The following SPIDR variants were observed in gnomAD, a reference collection of about 807,000 sequenced individuals.
The protein encoded by SPIDR is DNA repair-scaffolding protein.
In SPIDR, 93 loss-of-function variants were observed where a neutral mutation model predicts 104.6. That is an observed-to-expected ratio of 0.89 (90% CI 0.75 to 1.06). The LOEUF is 1.06. Ranked by LOEUF, SPIDR falls within the 50% of genes least tolerant of loss-of-function variation. SPIDR has a pLI of 0.00. For missense variants in SPIDR, 1,154 were observed against 1,111.2 expected (o/e 1.04, Z -0.55); for synonymous variants, 431 against 416.9 (o/e 1.03, Z -0.41).
At chr8:47,290,459 T>A (rs1218778489) in intron 3 of SPIDR, among the ~76,000 whole-genome samples, 1 of 152,200 alleles carries the variant, frequency 6.6e-6, no homozygotes, top group Non-Finnish European at 1.5e-5. Context: ...ACTACAGTTT[T>A]GCAAGATATT....
chr8:47,566,098 CCAGGTT>C (rs1477413181), intron 8 of SPIDR, among the ~76,000 whole-genome samples: 1 of 143,610 alleles, frequency 7.0e-6, no homozygotes, highest in East Asian at 2.1e-4. Context: ...CCTCCGTCTC[CCAGGTT>C]CAAGCGATTC....
chr8:47,367,803 T>C (rs2057417173), intron 5 of SPIDR, among the ~76,000 whole-genome samples: 1 of 152,168 alleles, frequency 6.6e-6, no homozygotes, highest in Admixed American at 6.5e-5. Flanking sequence ...CCTGAATGTA[T>C]TCAGTGAACG....
intron 5 of SPIDR, among the ~76,000 whole-genome samples, chr8:47,354,672 C>T (rs2054187765): frequency 6.6e-6 from 1 of 151,944 alleles, no homozygotes; most frequent in African/African-American, 2.4e-5. Context: ...AACAGGGTCT[C>T]ACTCTGTTGC....
At chr8:47,446,820 C>T (rs1220252917) in intron 8 of SPIDR, among the ~76,000 whole-genome samples, 1 of 152,064 alleles carries the variant, frequency 6.6e-6, no homozygotes, top group African/African-American at 2.4e-5. Context: ...CTCGTGACCT[C>T]GTGATCCACC....
At chr8:47,363,124 C>T (rs1419838531) in intron 5 of SPIDR, among the ~76,000 whole-genome samples, 1 of 151,100 alleles carries the variant, frequency 6.6e-6, no homozygotes, top group Non-Finnish European at 1.5e-5. Flanking sequence ...GTCCCCTAGA[C>T]GAGTTCATGT....
intron 15 of SPIDR, 129 bp downstream of exon 15, chr8:47,713,001 C>T: frequency 1.4e-6 from 2 of 1,477,616 alleles, no homozygotes; most frequent in Non-Finnish European, 1.8e-6. Flanking sequence ...CCATCACAGA[C>T]ATGGCCCATG....
intron 1 of SPIDR, among the ~76,000 whole-genome samples, chr8:47,262,289 T>C (rs750354303): frequency 1.3e-5 from 2 of 152,246 alleles, no homozygotes; most frequent in Non-Finnish European, 2.9e-5. Context: ...CGTTCACTTC[T>C]GGTCTCTTCA....
At chr8:47,692,864 A>C (rs1199651089) in intron 11 of SPIDR, among the ~76,000 whole-genome samples, 2 of 152,214 alleles carry the variant, frequency 1.3e-5, no homozygotes, top group Admixed American at 1.3e-4. Flanking sequence ...GGTACCTTGA[A>C]TAATCCTGCT....
At chr8:47,553,643 G>A (rs899007294) in intron 8 of SPIDR, among the ~76,000 whole-genome samples, 2 of 152,140 alleles carry the variant, frequency 1.3e-5, no homozygotes, top group African/African-American at 2.4e-5. Context: ...TTAGCCATTC[G>A]TCTAATCTTT....
intron 5 of SPIDR, among the ~76,000 whole-genome samples, chr8:47,307,200 A>G (rs148974092): frequency 9.9e-4 from 149 of 150,110 alleles, no homozygotes; most frequent in Non-Finnish European, 2.0e-3. Flanking sequence ...TTTTTTCATG[A>G]AATGTTTAAA....
At chr8:47,703,446 G>A (rs2080618948) in intron 14 of SPIDR, among the ~76,000 whole-genome samples, 1 of 152,192 alleles carries the variant, frequency 6.6e-6, no homozygotes, top group African/African-American at 2.4e-5. Context: ...ATCAGGGGTA[G>A]TGGGCAGACT....
At chr8:47,506,842 T>C (rs1363939161) in intron 8 of SPIDR, among the ~76,000 whole-genome samples, 2 of 152,144 alleles carry the variant, frequency 1.3e-5, no homozygotes, top group Non-Finnish European at 2.9e-5. Context: ...TAACCGGTTA[T>C]TATGTAGCAG....
At position 47,550,282 on chromosome 8, in the gene SPIDR, G is replaced by T. The variant is rs897408165; in HGVS notation, c.1098-45529G>T. Among the ~76,000 whole-genome samples, 16 of 152,298 alleles carry T rather than the reference G, an allele frequency of 1.1e-4. No individual in the cohort carries two copies. The South Asian group carries it at 1.9e-3, about 18-fold the overall frequency. Reference sequence around the variant, plus strand: ...TTGGTTCCATATGAACTTTAAAGTAGTTTTTTCCAATTCTGTGAAGAAAGT... The same window carrying T: ...TTGGTTCCATATGAACTTTAAAGTATTTTTTTCCAATTCTGTGAAGAAAGT... On this transcript the variant is annotated intron_variant, in intron 8 of 19. Transcript: ENST00000297423.
rs114216464 is a variant in SPIDR at position 47,467,477 on chromosome 8, A to G, written c.1097+26935A>G. Among the ~76,000 whole-genome samples the G allele has an allele frequency of 5.2e-3, 786 of 152,326 alleles. 8 individuals carry two copies. The highest frequency in any genetic ancestry group is 0.018 in the African/African-American group (743 of 41,560). Reference sequence around the variant, plus strand: ...AAAAATCCTAAACAAAATACTGACAAACTGAGTCCGCAACACATCAAAAAG... The same window carrying G: ...AAAAATCCTAAACAAAATACTGACAGACTGAGTCCGCAACACATCAAAAAG... On this transcript the variant is annotated intron_variant, in intron 8 of 19. Coordinates refer to ENST00000297423, the MANE Select transcript of SPIDR (RefSeq NM_001080394.4).
intron 8 of SPIDR, among the ~76,000 whole-genome samples, chr8:47,565,727 T>C (rs1159713303): frequency 2.0e-5 from 3 of 151,264 alleles, no homozygotes; most frequent in Admixed American, 6.6e-5. Context: ...TAAACATTTA[T>C]GCATGATTAT....
chr8:47,389,932 T>C (rs782718815), intron 5 of SPIDR, among the ~76,000 whole-genome samples: 5 of 152,108 alleles, frequency 3.3e-5, no homozygotes, highest in Non-Finnish European at 5.9e-5. Flanking sequence ...ATCCAGATGA[T>C]TGAAAAATTC....
chr8:47,489,455 C>T (rs1046464051), intron 8 of SPIDR, among the ~76,000 whole-genome samples: 2 of 152,148 alleles, frequency 1.3e-5, no homozygotes, highest in African/African-American at 4.8e-5. Context: ...TCAGTGCCAT[C>T]CCCATCAAGC....
chr8:47,628,261 G>A lies in SPIDR; in HGVS notation c.1544+29065G>A, dbSNP rs572965555. Reference sequence around the variant, plus strand: ...GTGTTTTAAAAATTGGTTAGAGAAGGTTGTTTTTCCTCCAGTAACAGCAAG... The same window carrying A: ...GTGTTTTAAAAATTGGTTAGAGAAGATTGTTTTTCCTCCAGTAACAGCAAG... On this transcript the variant is annotated intron_variant, in intron 10 of 19. Coordinates refer to ENST00000297423, the MANE Select transcript of SPIDR (RefSeq NM_001080394.4). 1.4e-4 allele frequency among the ~76,000 whole-genome samples: 22 copies of A among 152,254 alleles called. No homozygotes were observed. In the South Asian group the frequency reaches 4.6e-3, roughly 32 times the overall value.
At chr8:47,273,926 C>T (rs2035842342) in intron 1 of SPIDR, among the ~76,000 whole-genome samples, 1 of 152,256 alleles carries the variant, frequency 6.6e-6, no homozygotes, top group African/African-American at 2.4e-5. Context: ...TCTCCAGCCT[C>T]CTCCTTTCTC....
Sources: gnomAD v4.1 joint callset for allele counts (sites outside exome capture counted in the v4.1 genomes callset) on GRCh38, gnomAD v4.1.1 for gene constraint, MANE v1.5 for transcripts, NCBI Gene and HGNC (gene_info 2026-07-23, HGNC 2026-07-21) for gene names.